Variants in CNTN6 observed in about 807,000 individuals in gnomAD.
CNTN6 encodes the protein contactin-6.
CNTN6 carries 137 observed loss-of-function variants against 122.8 expected under a neutral mutation model. That is an observed-to-expected ratio of 1.12 (90% CI 0.97 to 1.29). The LOEUF (loss-of-function observed/expected upper bound fraction) is 1.29. Among genes scored for constraint, CNTN6 ranks in the 50% most tolerant of loss-of-function variants. The pLI, the probability that CNTN6 is intolerant of heterozygous loss-of-function variation, is 0.00. For synonymous variants in CNTN6, 570 were observed against 426.0 expected (o/e 1.34, Z -4.16); for missense variants, 1,634 against 1,223.4 (o/e 1.34, Z -5.01).
chr3:1,216,687 T>A (rs2094135134), intron 2 of CNTN6, among the ~76,000 whole-genome samples: 1 of 152,058 alleles, frequency 6.6e-6, no homozygotes, highest in South Asian at 2.1e-4. Context: ...TTGACCAGGC[T>A]AGAATTAAAA....
At chr3:1,173,165 A>G (rs1486896547) in intron 2 of CNTN6, 1 of 454,540 alleles carries the variant, frequency 2.2e-6, no homozygotes, top group Admixed American at 2.4e-5. Flanking sequence ...CCGTAAGGAG[A>G]GGACATTTTG....
intron 4 of CNTN6, among the ~76,000 whole-genome samples, chr3:1,244,599 C>T (rs1482765024): frequency 6.6e-6 from 1 of 152,172 alleles, no homozygotes; most frequent in Non-Finnish European, 1.5e-5. Context: ...GGATGTCCCC[C>T]GATCCGAGTC....
At chr3:1,156,081 C>T (rs1348596499) in intron 2 of CNTN6, among the ~76,000 whole-genome samples, 1 of 152,176 alleles carries the variant, frequency 6.6e-6, no homozygotes, top group Non-Finnish European at 1.5e-5. Context: ...TTCCCTTACT[C>T]TCCTTCATGT....
intron 4 of CNTN6, among the ~76,000 whole-genome samples, chr3:1,270,821 T>C (rs986466850): frequency 2.6e-5 from 4 of 152,230 alleles, no homozygotes; most frequent in African/African-American, 7.2e-5. Flanking sequence ...ACTTTCTAGA[T>C]AGAGAGGCAG....
rs988721749 is a variant in CNTN6 at position 1,295,763 on chromosome 3, G to C, written c.617G>C (p.Ser206Thr). 1 of 1,613,894 alleles carries C rather than the reference G, an allele frequency of 6.2e-7. No homozygotes were observed. Among genetic ancestry groups the C allele is most frequent in the Admixed American group, 1.7e-5 (1 of 59,990 alleles). ...ATAACTAACAAAGAGGCCCAGAGAAGTGTTCAAGGTCCACCCACTCCATTA... is the reference window on the plus strand; with the variant it reads ...ATAACTAACAAAGAGGCCCAGAGAACTGTTCAAGGTCCACCCACTCCATTA... The part of the protein sequence containing the change: ...CFITNKEAQR[S>T]VQGPPTPLVQ... The change falls in exon 6 of 23, where the codon AGT becomes ACT. Residue 206 changes from serine (S) to threonine (T), a missense_variant. Transcript: ENST00000446702.
intron 1 of CNTN6, among the ~76,000 whole-genome samples, chr3:1,121,967 G>T (rs903958187): frequency 2.0e-5 from 3 of 151,888 alleles, no homozygotes; most frequent in East Asian, 3.9e-4. Context: ...CCATTTTCCA[G>T]CTATTTCACT....
At chr3:1,396,582 A>T (rs1359031868) in intron 20 of CNTN6, among the ~76,000 whole-genome samples, 1 of 152,198 alleles carries the variant, frequency 6.6e-6, no homozygotes, top group East Asian at 1.9e-4. Flanking sequence ...GATATAATGT[A>T]CACCAAGGTG....
intron 1 of CNTN6, among the ~76,000 whole-genome samples, chr3:1,142,976 ATATATATATATATAT>A (rs1559389018): frequency 1.7e-5 from 1 of 57,732 alleles, no homozygotes; most frequent in Non-Finnish European, 3.7e-5. Flanking sequence ...GTGTATATAT[ATATATATATATATAT>A]ATATATATAT....
chr3:1,103,395 G>T (rs1448819832), intron 1 of CNTN6, among the ~76,000 whole-genome samples: 1 of 152,138 alleles, frequency 6.6e-6, no homozygotes, highest in African/African-American at 2.4e-5. Context: ...CAGAGTTGCC[G>T]ACTTTCCTTT....
At chr3:1,107,631 T>C (rs1559327464) in intron 1 of CNTN6, among the ~76,000 whole-genome samples, 1 of 152,112 alleles carries the variant, frequency 6.6e-6, no homozygotes, top group Admixed American at 6.6e-5. Flanking sequence ...AACAGTTTAT[T>C]AATGTTTGAC....
chr3:1,104,820 T>C (rs933243328), intron 1 of CNTN6, among the ~76,000 whole-genome samples: 1 of 152,138 alleles, frequency 6.6e-6, no homozygotes, highest in African/African-American at 2.4e-5. Flanking sequence ...TATAGCTTGT[T>C]TTTATTAATT....
intron 2 of CNTN6, among the ~76,000 whole-genome samples, chr3:1,164,132 G>A (rs981481293): frequency 6.6e-6 from 1 of 152,224 alleles, no homozygotes. Context: ...GTGAGAAAGA[G>A]ACACAGGTTA....
chr3:1,403,301 A>G lies in CNTN6; in HGVS notation c.2987-17A>G, dbSNP rs559335824. 3.2e-6 allele frequency: 5 copies of G among 1,552,502 alleles called. No homozygotes were observed. Among genetic ancestry groups the G allele is most frequent in the Non-Finnish European group, 4.4e-6 (5 of 1,133,402 alleles). ...CTTTATCTCAAAATATTTTTGTCTT[A>G]TTTTTATATTTTGCAGGTTTGAGTT... On this transcript the variant is annotated splice_polypyrimidine_tract_variant and intron_variant, in intron 22 of 22. Coordinates refer to ENST00000446702, the MANE Select transcript of CNTN6 (RefSeq NM_001289080.2).
chr3:1,376,468 A>C (rs1709882167), intron 16 of CNTN6, among the ~76,000 whole-genome samples: 1 of 152,140 alleles, frequency 6.6e-6, no homozygotes, highest in Non-Finnish European at 1.5e-5. Context: ...AGTTAGAAGA[A>C]AATCCCTCTT....
intron 2 of CNTN6, among the ~76,000 whole-genome samples, chr3:1,170,961 G>T (rs528408404): frequency 5.3e-5 from 8 of 152,298 alleles, no homozygotes; most frequent in African/African-American, 1.9e-4. Context: ...TGCAAAGTGC[G>T]TAGAAAGTGC....
At chr3:1,129,394 C>T (rs769931186) in intron 1 of CNTN6, among the ~76,000 whole-genome samples, 21 of 151,948 alleles carry the variant, frequency 1.4e-4, no homozygotes, top group African/African-American at 3.4e-4. Context: ...GTTGGTGTGA[C>T]CAAAATTTCC....
At chr3:1,281,210 C>T (rs1038003694) in intron 5 of CNTN6, among the ~76,000 whole-genome samples, 1 of 152,178 alleles carries the variant, frequency 6.6e-6, no homozygotes, top group African/African-American at 2.4e-5. Context: ...TTTTGCCCTA[C>T]AATATGTTTC....
In CNTN6 at chr3:1,227,902, C is replaced by T; in HGVS notation, c.267C>T (p.Pro89=). ...GAGGCAGTCTTGCAATCAATAGCCC[C>T]CACACAGATCAAGATATTGGCATGT... ...LDGGSLAINS[P]HTDQDIGMYQ... The change falls in exon 4 of 23, where the codon CCC becomes CCT. Residue 89 remains proline (P), a synonymous_variant. Transcript: ENST00000446702. The T allele has an allele frequency of 6.2e-7, 1 of 1,614,002 alleles. No homozygotes were observed. The highest frequency in any genetic ancestry group is 8.5e-7 in the Non-Finnish European group (1 of 1,179,954).
At chr3:1,395,319 G>A (rs1028552874) in intron 20 of CNTN6, among the ~76,000 whole-genome samples, 1 of 152,134 alleles carries the variant, frequency 6.6e-6, no homozygotes, top group South Asian at 2.1e-4. Flanking sequence ...TGGAGGTCAG[G>A]AGTTAGACAG....
Sources: allele counts gnomAD v4.1 joint callset (sites outside exome capture counted in the v4.1 genomes callset), GRCh38; gene constraint gnomAD v4.1.1; transcripts MANE v1.5; gene names NCBI Gene and HGNC (gene_info 2026-07-23, HGNC 2026-07-21).